The following ROBO1 variants were observed in gnomAD, a reference collection of about 807,000 sequenced individuals.
ROBO1 encodes the protein roundabout homolog 1.
ROBO1 carries 149 observed loss-of-function variants against 195.9 expected under a neutral mutation model. The ratio of observed to expected loss-of-function variants is 0.76; its 90% CI spans 0.67 to 0.87. The LOEUF is 0.87. Ranked by LOEUF, ROBO1 falls within the 40% of genes least tolerant of loss-of-function variation. The probability of loss-of-function intolerance (pLI) is 0.00; values close to 1 mark genes in which losing one functional copy is unlikely to be tolerated. For synonymous variants in ROBO1, 816 were observed against 733.2 expected (o/e 1.11, Z -1.82); for missense variants, 1,933 against 2,068.3 (o/e 0.93, Z 1.27).
At chr3:78,673,573 T>TAC (rs1389275437) in intron 10 of ROBO1, among the ~76,000 whole-genome samples, 11 of 41,780 alleles carry the variant, frequency 2.6e-4, no homozygotes, top group Non-Finnish European at 4.2e-4. Context: ...TATATATATA[T>TAC]ATATATATAT....
intron 2 of ROBO1, among the ~76,000 whole-genome samples, chr3:79,508,208 C>T (rs1334243168): frequency 1.3e-5 from 2 of 152,136 alleles, no homozygotes; most frequent in African/African-American, 4.8e-5. Context: ...ACCTATGTAA[C>T]AAACCTGCAC....
At chr3:79,394,053 G>A (rs1315871336) in intron 2 of ROBO1, among the ~76,000 whole-genome samples, 1 of 152,024 alleles carries the variant, frequency 6.6e-6, no homozygotes, top group Non-Finnish European at 1.5e-5. Context: ...ATCACAAAAA[G>A]AGGATTGGGA....
At chr3:79,032,140 A>G (rs926362914) in intron 3 of ROBO1, among the ~76,000 whole-genome samples, 3 of 152,102 alleles carry the variant, frequency 2.0e-5, no homozygotes, top group Non-Finnish European at 2.9e-5. Flanking sequence ...CTAGAATGAA[A>G]GAATCATAGT....
chr3:79,741,095 C>A (rs1703623496), intron 1 of ROBO1, among the ~76,000 whole-genome samples: 1 of 152,146 alleles, frequency 6.6e-6, no homozygotes, highest in African/African-American at 2.4e-5. Context: ...ATATAAGAAG[C>A]TGGAAAAGGT....
At chr3:79,623,542 G>A (rs534266879) in intron 1 of ROBO1, among the ~76,000 whole-genome samples, 6 of 152,294 alleles carry the variant, frequency 3.9e-5, no homozygotes, top group African/African-American at 1.4e-4. Flanking sequence ...AGAACTTCAT[G>A]AAGCATACAT....
chr3:79,280,521 A>C (rs1317765597), intron 2 of ROBO1, among the ~76,000 whole-genome samples: 1 of 152,158 alleles, frequency 6.6e-6, no homozygotes, highest in African/African-American at 2.4e-5. Flanking sequence ...ATCATAATTT[A>C]AACTGGGATT....
chr3:79,656,836 G>T (rs1946179448), intron 1 of ROBO1, among the ~76,000 whole-genome samples: 1 of 151,988 alleles, frequency 6.6e-6, no homozygotes, highest in Non-Finnish European at 1.5e-5. Flanking sequence ...GGTTGAAGCT[G>T]CACTGAGCTG....
chr3:78,976,827 G>A (rs1178825533), intron 3 of ROBO1, among the ~76,000 whole-genome samples: 1 of 152,074 alleles, frequency 6.6e-6, no homozygotes, highest in East Asian at 1.9e-4. Flanking sequence ...ATGCATAAGA[G>A]AGCAAAAACA....
At chr3:79,290,097 G>C (rs2032149663) in intron 2 of ROBO1, among the ~76,000 whole-genome samples, 1 of 152,024 alleles carries the variant, frequency 6.6e-6, no homozygotes, top group Non-Finnish European at 1.5e-5. Context: ...AGAGTGCAAT[G>C]GTGCGATCTC....
chr3:79,454,869 T>A (rs2039565929), intron 2 of ROBO1, among the ~76,000 whole-genome samples: 1 of 152,064 alleles, frequency 6.6e-6, no homozygotes, highest in African/African-American at 2.4e-5. Flanking sequence ...AACACAGAAT[T>A]TGTTATCTAA....
intron 4 of ROBO1, chr3:78,938,295 T>C (rs1444244656): frequency 9.6e-6 from 3 of 311,770 alleles, no homozygotes; most frequent in Admixed American, 4.7e-5. Flanking sequence ...TGGTTCCCTA[T>C]TCAATATCTT....
At chr3:79,473,519 A>T (rs1938393288) in intron 2 of ROBO1, among the ~76,000 whole-genome samples, 1 of 152,076 alleles carries the variant, frequency 6.6e-6, no homozygotes, top group African/African-American at 2.4e-5. Context: ...TCGGAGAAAT[A>T]ATACCCGCTG....
intron 4 of ROBO1, among the ~76,000 whole-genome samples, chr3:78,749,112 C>G (rs1576080892): frequency 1.3e-5 from 2 of 152,260 alleles, no homozygotes; most frequent in South Asian, 4.1e-4. Context: ...TTGACCTTGA[C>G]AGGCAGTATG....
chr3:79,339,871 C>CTA (rs1231301504), intron 2 of ROBO1, among the ~76,000 whole-genome samples: 3 of 152,164 alleles, frequency 2.0e-5, no homozygotes, highest in Admixed American at 6.5e-5. Context: ...ATCTTGATTA[C>CTA]TATTGAGTGC....
intron 3 of ROBO1, among the ~76,000 whole-genome samples, chr3:79,107,162 C>T (rs1307096344): frequency 6.9e-6 from 1 of 144,428 alleles, no homozygotes; most frequent in Non-Finnish European, 1.5e-5. Flanking sequence ...CACACACACA[C>T]CACTTGGCAA....
intron 2 of ROBO1, among the ~76,000 whole-genome samples, chr3:79,173,497 G>A (rs1415593376): frequency 6.6e-6 from 1 of 152,142 alleles, no homozygotes; most frequent in Admixed American, 6.5e-5. Context: ...GCTGCAGAGG[G>A]TGTGCTGGGG....
intron 4 of ROBO1, among the ~76,000 whole-genome samples, chr3:78,930,891 C>A (rs1324979382): frequency 6.6e-6 from 1 of 152,128 alleles, no homozygotes; most frequent in Non-Finnish European, 1.5e-5. Context: ...ATCCTGACAC[C>A]CCACCATTGC....
chr3:79,190,585 A>G (rs1232346581), intron 2 of ROBO1, among the ~76,000 whole-genome samples: 1 of 151,578 alleles, frequency 6.6e-6, no homozygotes, highest in African/African-American at 2.4e-5. Flanking sequence ...CTACAAATAA[A>G]TCAGTGTTGT....
intron 4 of ROBO1, among the ~76,000 whole-genome samples, chr3:78,773,550 C>T (rs2083430348): frequency 6.6e-6 from 1 of 151,932 alleles, no homozygotes; most frequent in Non-Finnish European, 1.5e-5. Context: ...TAAAACATCT[C>T]CTTAAAGAAA....
Sources: allele counts gnomAD v4.1 joint callset (sites outside exome capture counted in the v4.1 genomes callset), GRCh38; gene constraint gnomAD v4.1.1; transcripts MANE v1.5; gene names NCBI Gene and HGNC (gene_info 2026-07-23, HGNC 2026-07-21).